Variants in MYO5A observed in about 807,000 individuals in gnomAD.
MYO5A encodes myosin VA, also known as unconventional myosin-Va.
A neutral mutation model predicts 249.7 loss-of-function variants in MYO5A; 98 were observed. The ratio of observed to expected loss-of-function variants is 0.39; its 90% CI spans 0.33 to 0.46. The LOEUF is 0.46. MYO5A is among the 20% of genes least tolerant of loss of function. The probability of loss-of-function intolerance (pLI) is 0.98; values close to 1 mark genes in which losing one functional copy is unlikely to be tolerated. For synonymous variants in MYO5A, 778 were observed against 810.6 expected, an observed-to-expected ratio of 0.96 and a Z score of 0.68; for missense variants, 1,696 against 2,308.8, an observed-to-expected ratio of 0.73 and a Z score of 5.44.
At chr15:52,450,855 T>TGTTTTTTGTTTTTTG (rs1555454757) in intron 1 of MYO5A, among the ~76,000 whole-genome samples, 32 of 144,452 alleles carry the variant, frequency 2.2e-4, no homozygotes, top group African/African-American at 7.7e-4. Flanking sequence ...TTTTTTTTTT[T>TGTTTTTTGTTTTTTG]TTTTTTTTTT....
intron 18 of MYO5A, among the ~76,000 whole-genome samples, chr15:52,378,515 C>CAAAAAAAAAAAAAAAAAAAAAAA (rs55803737): frequency 0.018 from 193 of 10,470 alleles, 65 homozygotes; most frequent in Non-Finnish European, 0.054. Context: ...AAGACTGTCT[C>CAAAAAAAAAAAAAAAAAAAAAAA]AAAAAAAAAA....
At chr15:52,331,873 G>C (rs2038904081) in intron 34 of MYO5A, 4 of 985,188 alleles carry the variant, frequency 4.1e-6, no homozygotes, top group Non-Finnish European at 4.8e-6. Flanking sequence ...ACAGATCAGG[G>C]CTACGGCCAT....
At chr15:52,393,245 T>C (rs2042332199) in intron 11 of MYO5A, among the ~76,000 whole-genome samples, 1 of 152,210 alleles carries the variant, frequency 6.6e-6, no homozygotes, top group Non-Finnish European at 1.5e-5. Flanking sequence ...GATGATCAAA[T>C]GACCCATATT....
intron 1 of MYO5A, among the ~76,000 whole-genome samples, chr15:52,490,861 A>G (rs2076921277): frequency 6.6e-6 from 1 of 152,086 alleles, no homozygotes; most frequent in Non-Finnish European, 1.5e-5. Flanking sequence ...AGCTATAACT[A>G]GAGGTGCAGC....
intron 31 of MYO5A, among the ~76,000 whole-genome samples, chr15:52,342,322 G>A (rs1281298230): frequency 6.6e-6 from 1 of 152,158 alleles, no homozygotes; most frequent in Non-Finnish European, 1.5e-5. Flanking sequence ...TCATGCTACT[G>A]CACTCAAGCC....
At chr15:52,413,147 C>CAAAAA (rs767059579) in intron 5 of MYO5A, among the ~76,000 whole-genome samples, 1 of 66,166 alleles carries the variant, frequency 1.5e-5, no homozygotes, top group Non-Finnish European at 3.0e-5. Flanking sequence ...AACTCTGTCT[C>CAAAAA]AAAAAAAAAA....
intron 5 of MYO5A, among the ~76,000 whole-genome samples, chr15:52,411,904 G>A (rs1442790421): frequency 6.6e-6 from 1 of 152,140 alleles, no homozygotes; most frequent in Admixed American, 6.5e-5. Flanking sequence ...AGAAAAATAA[G>A]AATATCTTCC....
intron 10 of MYO5A, among the ~76,000 whole-genome samples, chr15:52,396,882 C>T (rs754396604): frequency 6.6e-6 from 1 of 152,028 alleles, no homozygotes; most frequent in African/African-American, 2.4e-5. Context: ...AGACAGGTAC[C>T]CAAATAAGGC....
At chr15:52,378,333 C>T (rs2041536151) in intron 18 of MYO5A, among the ~76,000 whole-genome samples, 1 of 151,540 alleles carries the variant, frequency 6.6e-6, no homozygotes, top group Non-Finnish European at 1.5e-5. Flanking sequence ...CCAGCCTGGC[C>T]AACATGGTAA....
At chr15:52,505,486 G>A (rs2077249651) in intron 1 of MYO5A, 1 of 1,128,166 alleles carries the variant, frequency 8.9e-7, no homozygotes, top group African/African-American at 1.5e-5. Context: ...AGATGATGAT[G>A]ACATTGATCT....
chr15:52,338,694 G>A (rs1567032604), intron 32 of MYO5A, among the ~76,000 whole-genome samples: 1 of 152,240 alleles, frequency 6.6e-6, no homozygotes, highest in Non-Finnish European at 1.5e-5. Context: ...GGCTCTATTA[G>A]CTTAGAATAT....
At chr15:52,397,096 C>A in intron 10 of MYO5A, 105 bp downstream of exon 10, 1 of 1,370,398 alleles carries the variant, frequency 7.3e-7, no homozygotes, top group South Asian at 1.2e-5. Context: ...CAAAGTTTCC[C>A]TTCTCTTTAC....
At chr15:52,361,998 T>C (rs1305325536) in intron 24 of MYO5A, among the ~76,000 whole-genome samples, 3 of 152,092 alleles carry the variant, frequency 2.0e-5, no homozygotes. Context: ...TTCATAAACC[T>C]GGATGCCCAT....
intron 5 of MYO5A, among the ~76,000 whole-genome samples, chr15:52,414,163 G>A (rs1177001879): frequency 6.6e-6 from 1 of 152,154 alleles, no homozygotes; most frequent in Non-Finnish European, 1.5e-5. Flanking sequence ...GGAGTGGGTT[G>A]TTATGAAGTC....
chr15:52,497,037 C>T (rs114598260), intron 1 of MYO5A, among the ~76,000 whole-genome samples: 2,457 of 152,328 alleles, frequency 0.016, 75 homozygotes, highest in African/African-American at 0.057. Context: ...TCACGACTCA[C>T]TGCAACTTCC....
chr15:52,321,731 C>T (rs1374105329), intron 37 of MYO5A, among the ~76,000 whole-genome samples: 3 of 145,122 alleles, frequency 2.1e-5, no homozygotes, highest in African/African-American at 7.8e-5. Flanking sequence ...CTTAACTTGG[C>T]AACCTAGCAT....
chr15:52,459,748 GCAGAGGGGCCCCCCA>G (rs2076200909), intron 1 of MYO5A, among the ~76,000 whole-genome samples: 1 of 151,622 alleles, frequency 6.6e-6, no homozygotes, highest in Admixed American at 6.6e-5. Flanking sequence ...GGGCTGCCGG[GCAGAGGGGCCCCCCA>G]CCTCCCAGAC....
Position 52,343,100 on chromosome 15 carries a change from G to A in MYO5A, c.4040+17C>T. 1 of 1,594,980 alleles carries A rather than the reference G, an allele frequency of 6.3e-7. No individual in the cohort carries two copies. Among genetic ancestry groups the A allele is most frequent in the Non-Finnish European group, 8.6e-7 (1 of 1,162,666 alleles). ...CAACAAATTAATAACATTCCATTTT[G>A]AGGAGACAAATATAACCTGTTGGCT... On this transcript the variant is annotated intron_variant, in intron 31 of 41. Coordinates refer to ENST00000399233, the MANE Select transcript of MYO5A (RefSeq NM_001382347.1).
At chr15:52,420,551 C>T (rs1356915053) in intron 4 of MYO5A, among the ~76,000 whole-genome samples, 3 of 151,958 alleles carry the variant, frequency 2.0e-5, no homozygotes, top group Admixed American at 2.0e-4. Flanking sequence ...GCATCCACAA[C>T]AATGAGCCAA....
Sources: allele counts gnomAD v4.1 joint callset (sites outside exome capture counted in the v4.1 genomes callset), GRCh38; gene constraint gnomAD v4.1.1; transcripts MANE v1.5; gene names NCBI Gene and HGNC (gene_info 2026-07-23, HGNC 2026-07-21).